Variants in ZNF423 observed in about 807,000 individuals in gnomAD.
ZNF423 encodes zinc finger protein 423.
A neutral mutation model predicts 95.8 loss-of-function variants in ZNF423; 12 were observed. That is an observed-to-expected ratio of 0.13 (90% CI 0.08 to 0.20). The LOEUF is 0.20. ZNF423 is among the 10% of genes least tolerant of loss of function. The pLI is 1.00. For missense variants in ZNF423, 1,316 were observed against 1,737.1 expected (o/e 0.76, Z 4.31); for synonymous variants, 749 against 711.9 (o/e 1.05, Z -0.83).
At chr16:49,624,200 T>C (rs1450496371) in intron 5 of ZNF423, among the ~76,000 whole-genome samples, 1 of 152,032 alleles carries the variant, frequency 6.6e-6, no homozygotes, top group African/African-American at 2.4e-5. Flanking sequence ...ACGCAAAATA[T>C]AATATCTATA....
Position 49,638,997 on chromosome 16 carries a change from G to C in ZNF423, c.302-123C>G. ...TGCAGCTGGCCAACGGCTGCAGGGG[G>C]CTGTGGGGAGGGGCAGGGGCCGGAA... On this transcript the variant is annotated intron_variant, in intron 3 of 7. Transcript: ENST00000563137. This position sits in a 1 kb window ranked among gnomAD's most constrained non-coding sequence, Gnocchi z 5.6. 1 of 1,444,116 alleles carries C rather than the reference G, an allele frequency of 6.9e-7. No homozygotes were observed. The highest frequency in any genetic ancestry group is 1.4e-5 in the African/African-American group (1 of 70,098). 89.5% of individuals were successfully genotyped at this position (1,444,116 alleles called of 1,614,324 possible).
At chr16:49,588,497 C>T (rs945274998) in intron 5 of ZNF423, among the ~76,000 whole-genome samples, 3 of 152,216 alleles carry the variant, frequency 2.0e-5, no homozygotes, top group African/African-American at 7.2e-5. Context: ...AATTATGCTG[C>T]ACTTTCTTGG....
intron 4 of ZNF423, among the ~76,000 whole-genome samples, chr16:49,634,933 T>C (rs1166265387): frequency 6.6e-6 from 1 of 152,202 alleles, no homozygotes; most frequent in East Asian, 1.9e-4. Flanking sequence ...GGTCCATTTC[T>C]GGTTCTCCTT....
At position 49,637,275 on chromosome 16, in the gene ZNF423, G is replaced by A. The variant is rs1244650326; in HGVS notation, c.1901C>T (p.Ser634Phe). Reference sequence around the variant, plus strand: ...GCAAGGATACTCCCCATTGGAGATGGAGTTGGCGCTTGCTGAGAGCCGCTG... The same window carrying A: ...GCAAGGATACTCCCCATTGGAGATGAAGTTGGCGCTTGCTGAGAGCCGCTG... ...KRQRLSASAN[S>F]ISNGEYPCNQ... Residue 634 changes from serine to phenylalanine, a missense_variant, in exon 4 of 8, where the codon TCC becomes TTC. This residue lies in a region of ZNF423 where 620 missense variants were observed against 775.6 expected (regional missense o/e 0.80). Transcript: ENST00000563137. This position sits in a 1 kb window ranked among gnomAD's most constrained non-coding sequence, Gnocchi z 5.6. 36 of 1,614,114 alleles carry A rather than the reference G, an allele frequency of 2.2e-5. No individual in the cohort carries two copies. The highest frequency in any genetic ancestry group is 2.9e-5 in the Non-Finnish European group (34 of 1,180,056).
At chr16:49,677,163 A>T (rs969684705) in intron 3 of ZNF423, among the ~76,000 whole-genome samples, 4 of 148,912 alleles carry the variant, frequency 2.7e-5, no homozygotes, top group African/African-American at 9.9e-5. Flanking sequence ...GGCTGCAGTG[A>T]GTCATCATCA....
At position 49,638,292 on chromosome 16, in the gene ZNF423, G is replaced by C; in HGVS notation, c.884C>G (p.Pro295Arg). The C allele has an allele frequency of 1.2e-6, 2 of 1,613,714 alleles. No homozygotes were observed. Among genetic ancestry groups the C allele is most frequent in the Non-Finnish European group, 1.7e-6 (2 of 1,180,038 alleles). ...ELEKHVLTRH[P>R]QLSEKADLQC... is the part of the protein sequence containing the mutation. ...CAGGTCCGCCTTCTCGGACAGCTGC[G>C]GGTGGCGGGTGAGCACGTGCTTCTC... is the stretch of plus-strand genomic sequence containing the variant. The change falls in exon 4 of 8, where the codon CCG becomes CGG. Residue 295 changes from proline (P) to arginine (R), a missense_variant. Physicochemically the swap from Pro to Arg is moderately radical, Grantham distance 103. Around this residue, in one of 6 missense-constraint regions of ZNF423, gnomAD observed 399 missense variants for 478.5 expected, o/e 0.83. Transcript: ENST00000563137. The surrounding 1 kb of genome is among the most constrained non-coding windows in gnomAD (Gnocchi z 5.6).
intron 5 of ZNF423, among the ~76,000 whole-genome samples, chr16:49,600,333 A>G (rs1014607901): frequency 1.3e-5 from 2 of 151,912 alleles, no homozygotes; most frequent in African/African-American, 4.8e-5. Flanking sequence ...AAAATAATAA[A>G]TAAAAATTAA....
intron 1 of ZNF423, chr16:49,822,750 A>C: frequency 6.3e-7 from 1 of 1,597,168 alleles, no homozygotes; most frequent in Non-Finnish European, 8.5e-7. Context: ...TGGGGGAATA[A>C]ATACAAAATT....
chr16:49,525,222 T>G, intron 6 of ZNF423, 141 bp downstream of exon 6: 1 of 1,292,702 alleles, frequency 7.7e-7, no homozygotes, highest in African/African-American at 1.5e-5. Context: ...TGTTAATCCC[T>G]CAGGGTATCC....
chr16:49,805,349 G>A (rs2034645937), intron 1 of ZNF423, among the ~76,000 whole-genome samples: 2 of 152,146 alleles, frequency 1.3e-5, no homozygotes, highest in South Asian at 4.1e-4. Flanking sequence ...ACGTTACCAC[G>A]TTCATGCTGA....
At chr16:49,501,317 G>T (rs1263694698) in intron 7 of ZNF423, among the ~76,000 whole-genome samples, 1 of 152,194 alleles carries the variant, frequency 6.6e-6, no homozygotes, top group Non-Finnish European at 1.5e-5. Context: ...GGCAATGACT[G>T]CCACATGCGA....
rs775740015 is a variant in ZNF423, at chr16:49,637,316, C to T, written c.1860G>A (p.Val620=). ...AGAGCCGCTGCCGCTTCGGGGAAGA[C>T]ACCTCCACATCGGACGAGACTGGGC... is the stretch of plus-strand genomic sequence containing the variant. ...EQSPVSSDVE[V]SSPKRQRLSA... The change falls in exon 4 of 8, where the codon GTG becomes GTA. Residue 620 remains valine, a synonymous_variant. Transcript: ENST00000563137. The surrounding 1 kb of genome is among the most constrained non-coding windows in gnomAD (Gnocchi z 5.6). 1.9e-6 allele frequency: 3 copies of T among 1,614,232 alleles called. No individual in the cohort carries two copies. The highest frequency in any genetic ancestry group is 2.5e-6 in the Non-Finnish European group (3 of 1,180,038).
At chr16:49,539,058 C>T (rs956547335) in intron 5 of ZNF423, among the ~76,000 whole-genome samples, 7 of 152,206 alleles carry the variant, frequency 4.6e-5, no homozygotes, top group African/African-American at 1.7e-4. Context: ...GATCATGTCC[C>T]GTGGGAAGAG....
intron 7 of ZNF423, among the ~76,000 whole-genome samples, chr16:49,512,029 CTATACTATACTA>C (rs2151682704): frequency 6.6e-6 from 1 of 152,264 alleles, no homozygotes; most frequent in South Asian, 2.1e-4. Flanking sequence ...CAGCACTATA[CTATACTATACTA>C]TATACTATAC....
intron 2 of ZNF423, among the ~76,000 whole-genome samples, chr16:49,757,332 C>G (rs2033745919): frequency 6.6e-6 from 1 of 152,180 alleles, no homozygotes; most frequent in South Asian, 2.1e-4. Flanking sequence ...GTCTGAACTT[C>G]TAACAAAGGG....
chr16:49,625,083 AAAG>A (rs1400122275), intron 5 of ZNF423, among the ~76,000 whole-genome samples: 1 of 152,276 alleles, frequency 6.6e-6, no homozygotes, highest in Non-Finnish European at 1.5e-5. Flanking sequence ...GAGATGAAGT[AAAG>A]AAGTAGTTCA....
At chr16:49,786,020 C>G (rs544652784) in intron 2 of ZNF423, among the ~76,000 whole-genome samples, 1 of 152,318 alleles carries the variant, frequency 6.6e-6, no homozygotes, top group South Asian at 2.1e-4. Context: ...TCCTCCAGCT[C>G]CACACCTCCA....
At chr16:49,775,750 C>A (rs1354093360) in intron 2 of ZNF423, among the ~76,000 whole-genome samples, 1 of 152,182 alleles carries the variant, frequency 6.6e-6, no homozygotes, top group Non-Finnish European at 1.5e-5. Flanking sequence ...CCCAACTGTG[C>A]CCTTGTGGCC....
chr16:49,668,627 G>C (rs1216445348), intron 3 of ZNF423, among the ~76,000 whole-genome samples: 1 of 152,186 alleles, frequency 6.6e-6, no homozygotes, highest in Non-Finnish European at 1.5e-5. Flanking sequence ...AGGGAAGGTG[G>C]CAGGAGGGTC....
Sources: gnomAD v4.1 joint callset for allele counts (sites outside exome capture counted in the v4.1 genomes callset) on GRCh38, gnomAD v4.1.1 for gene constraint, gnomAD v4.1.1 regional missense constraint, Gnocchi (gnomAD v3.1) non-coding constraint, MANE v1.5 for transcripts, NCBI Gene and HGNC (gene_info 2026-07-23, HGNC 2026-07-21) for gene names.